Variants in GRIK3 observed in about 807,000 individuals in gnomAD.
GRIK3 encodes the protein glutamate ionotropic receptor kainate type subunit 3, also known as glutamate receptor ionotropic, kainate 3.
A neutral mutation model predicts 102.5 loss-of-function variants in GRIK3; 29 were observed. That is an observed-to-expected ratio of 0.28 (90% CI 0.21 to 0.39). GRIK3 has a LOEUF of 0.39. GRIK3 is among the 10% of genes least tolerant of loss of function. The pLI is 1.00. For missense variants in GRIK3, 908 were observed against 1,252.4 expected, an observed-to-expected ratio of 0.73 and a Z score of 4.15; for synonymous variants, 511 against 504.9, an observed-to-expected ratio of 1.01 and a Z score of -0.16.
intron 5 of GRIK3, among the ~76,000 whole-genome samples, chr1:36,864,223 A>G (rs1640758582): frequency 6.6e-6 from 1 of 152,132 alleles, no homozygotes; most frequent in African/African-American, 2.4e-5. Context: ...GGGTTGGTAA[A>G]CTGCCTGGGG....
chr1:36,958,467 GCCC>G, intron 1 of GRIK3, among the ~76,000 whole-genome samples: 2 of 145,818 alleles, frequency 1.4e-5, no homozygotes, highest in African/African-American at 2.6e-5. Flanking sequence ...GTGAGTCTGT[GCCC>G]CCTAAGTCTG....
Position 36,856,200 on chromosome 1 carries a change from A to G in GRIK3, c.1105-2478T>C, listed in dbSNP as rs1422985581. Among the ~76,000 whole-genome samples the G allele has an allele frequency of 2.0e-5, 3 of 152,216 alleles. No individual in the cohort carries two copies. The East Asian group carries it at 5.8e-4, about 29-fold the overall frequency. Reference sequence around the variant, plus strand: ...TCTCCTCTGTTGGCCTCACGCCTTCAGGCTATCTCTTGGCCCCCAGGGGAA... The same window carrying G: ...TCTCCTCTGTTGGCCTCACGCCTTCGGGCTATCTCTTGGCCCCCAGGGGAA... On this transcript the variant is annotated intron_variant, in intron 7 of 15. Coordinates refer to ENST00000373091, the MANE Select transcript of GRIK3 (RefSeq NM_000831.4).
chr1:36,941,068 GGTCTCA>G (rs1385519901), intron 1 of GRIK3, among the ~76,000 whole-genome samples: 1 of 152,128 alleles, frequency 6.6e-6, no homozygotes, highest in African/African-American at 2.4e-5. Flanking sequence ...TGGTTTCTTG[GGTCTCA>G]GTCTCCTGGG....
intron 1 of GRIK3, among the ~76,000 whole-genome samples, chr1:36,892,527 A>AC (rs397827339): frequency 9.9e-5 from 15 of 151,536 alleles, no homozygotes; most frequent in African/African-American, 1.2e-4. Context: ...AAAAAAAAAA[A>AC]CACCTTTAAT....
intron 2 of GRIK3, among the ~76,000 whole-genome samples, chr1:36,885,875 C>T (rs757228465): frequency 2.0e-5 from 3 of 152,218 alleles, no homozygotes; most frequent in Non-Finnish European, 2.9e-5. Flanking sequence ...CAATGGTTCA[C>T]AGTCATTGCA....
intron 1 of GRIK3, among the ~76,000 whole-genome samples, chr1:36,997,219 G>A (rs1417310410): frequency 6.6e-6 from 1 of 152,190 alleles, no homozygotes; most frequent in Non-Finnish European, 1.5e-5. Context: ...GGCCCTGGAA[G>A]CAGGAGACAG....
At chr1:36,968,730 T>G (rs1642106792) in intron 1 of GRIK3, among the ~76,000 whole-genome samples, 1 of 152,088 alleles carries the variant, frequency 6.6e-6, no homozygotes, top group Non-Finnish European at 1.5e-5. Flanking sequence ...CTTGCTGGGG[T>G]CTTTGCCATG....
At chr1:37,018,785 G>A (rs1642679892) in intron 1 of GRIK3, among the ~76,000 whole-genome samples, 2 of 151,784 alleles carry the variant, frequency 1.3e-5, no homozygotes, top group African/African-American at 2.4e-5. Context: ...AATGTATTAG[G>A]TAGATAAAGA....
At chr1:36,995,012 C>T (rs983205137) in intron 1 of GRIK3, among the ~76,000 whole-genome samples, 5 of 152,096 alleles carry the variant, frequency 3.3e-5, no homozygotes, top group East Asian at 3.9e-4. Flanking sequence ...CAGACGCTGC[C>T]GGTGACCTTT....
At chr1:36,853,446 C>T (rs2124231035) in intron 8 of GRIK3, among the ~76,000 whole-genome samples, 169 bp downstream of exon 8, 1 of 152,294 alleles carries the variant, frequency 6.6e-6, no homozygotes, top group East Asian at 1.9e-4. Context: ...CCTTCTTGTT[C>T]TCTGATGGGC....
intron 1 of GRIK3, among the ~76,000 whole-genome samples, chr1:36,932,435 A>G (rs1219820120): frequency 1.3e-5 from 2 of 152,126 alleles, no homozygotes; most frequent in Non-Finnish European, 2.9e-5. Flanking sequence ...TGTAGGAAAC[A>G]CCGAGCACTT....
In GRIK3 at chr1:36,868,644, G is replaced by A. The variant is rs116484038; in HGVS notation, c.786+1104C>T. 8.6e-3 allele frequency among the ~76,000 whole-genome samples: 1,313 copies of A among 152,312 alleles called. 17 individuals carry two copies. The highest frequency in any genetic ancestry group is 0.03 in the African/African-American group (1,252 of 41,566). Reference sequence around the variant, plus strand: ...GGAGGAGATAATGCAATTGGCTCTCGCCCGCTGGATCAAGCCAGCTCCTGC... The same window carrying A: ...GGAGGAGATAATGCAATTGGCTCTCACCCGCTGGATCAAGCCAGCTCCTGC... On this transcript the variant is annotated intron_variant, in intron 5 of 15. Transcript: ENST00000373091.
At position 37,004,361 on chromosome 1, in the gene GRIK3, C is replaced by G. The variant is rs191291089; in HGVS notation, c.115+29633G>C. On this transcript the variant is annotated intron_variant, in intron 1 of 15. Coordinates refer to ENST00000373091, the MANE Select transcript of GRIK3 (RefSeq NM_000831.4). Reference sequence around the variant, plus strand: ...GGGCTTTGAAAAGGATAAAGAATCACACAAAGAGGTAGGGAATTGTTACTG... The same window carrying G: ...GGGCTTTGAAAAGGATAAAGAATCAGACAAAGAGGTAGGGAATTGTTACTG... Among the ~76,000 whole-genome samples, 13 of 152,298 alleles carry G rather than the reference C, an allele frequency of 8.5e-5. No individual in the cohort carries two copies. The East Asian group carries it at 2.1e-3, about 25-fold the overall frequency.
chr1:36,904,273 A>C (rs1641261559), intron 1 of GRIK3, among the ~76,000 whole-genome samples: 1 of 152,278 alleles, frequency 6.6e-6, no homozygotes, highest in African/African-American at 2.4e-5. Flanking sequence ...ACAGGTGTGC[A>C]TCGACATGCC....
rs369186207 is a variant in GRIK3, at chr1:36,859,836, C to G, written c.960+8G>C. ...GCCCCTGGAATTCACCTCACCCAGC[C>G]GCCTTACCATCATCACTCCATCCAG... is the stretch of plus-strand genomic sequence containing the variant. On this transcript the variant is annotated splice_region_variant and intron_variant, in intron 6 of 15. Coordinates refer to ENST00000373091, the MANE Select transcript of GRIK3 (RefSeq NM_000831.4). The G allele has an allele frequency of 6.2e-7, 1 of 1,610,790 alleles. No individual in the cohort carries two copies. Among genetic ancestry groups the G allele is most frequent in the Non-Finnish European group, 8.5e-7 (1 of 1,177,320 alleles).
chr1:36,999,717 G>C (rs781410542), intron 1 of GRIK3, among the ~76,000 whole-genome samples: 1 of 152,134 alleles, frequency 6.6e-6, no homozygotes, highest in African/African-American at 2.4e-5. Context: ...GCCCCTTGTG[G>C]GGGTGACATA....
At chr1:36,856,802 C>T (rs528311648) in intron 7 of GRIK3, among the ~76,000 whole-genome samples, 8 of 152,272 alleles carry the variant, frequency 5.3e-5, no homozygotes, top group Non-Finnish European at 1.0e-4. Flanking sequence ...CAGGGACTCA[C>T]GGCTGAGCCT....
intron 5 of GRIK3, among the ~76,000 whole-genome samples, chr1:36,866,631 G>C (rs974094193): frequency 2.0e-5 from 3 of 152,200 alleles, no homozygotes; most frequent in East Asian, 1.9e-4. Context: ...TGCACTCAGC[G>C]TAACAATCCT....
chr1:36,821,412 C>T (rs1642694333), intron 11 of GRIK3, among the ~76,000 whole-genome samples: 1 of 152,212 alleles, frequency 6.6e-6, no homozygotes, highest in African/African-American at 2.4e-5. Flanking sequence ...TCCTCTACCA[C>T]ATCTAGGGAG....
Sources: gnomAD v4.1 joint callset for allele counts (sites outside exome capture counted in the v4.1 genomes callset) on GRCh38, gnomAD v4.1.1 for gene constraint, MANE v1.5 for transcripts, NCBI Gene and HGNC (gene_info 2026-07-23, HGNC 2026-07-21) for gene names.